The following PITPNB variants were observed in gnomAD, a reference collection of about 807,000 sequenced individuals.
The protein encoded by PITPNB is phosphatidylinositol transfer protein beta isoform.
In PITPNB, 16 loss-of-function variants were observed where a neutral mutation model predicts 45.9. The ratio of observed to expected loss-of-function variants is 0.35; its 90% CI spans 0.24 to 0.53. PITPNB has a LOEUF of 0.53. PITPNB is among the 20% of genes least tolerant of loss of function. The pLI, the probability that PITPNB is intolerant of heterozygous loss-of-function variation, is 0.93. For synonymous variants in PITPNB, 112 were observed against 108.9 expected (o/e 1.03, Z -0.18); for missense variants, 188 against 330.5 (o/e 0.57, Z 3.34).
intron 3 of PITPNB, among the ~76,000 whole-genome samples, chr22:27,902,962 C>A (rs2146413075): frequency 6.6e-6 from 1 of 152,226 alleles, no homozygotes; most frequent in African/African-American, 2.4e-5. Context: ...AAATCCTGGC[C>A]TCAAGCAATC....
At chr22:27,889,683 T>C (rs1935218273) in intron 7 of PITPNB, among the ~76,000 whole-genome samples, 1 of 152,206 alleles carries the variant, frequency 6.6e-6, no homozygotes, top group Non-Finnish European at 1.5e-5. Context: ...TACTTCATTG[T>C]ACTGGGCTTC....
At chr22:27,857,507 T>C (rs914988277) in intron 10 of PITPNB, among the ~76,000 whole-genome samples, 1 of 152,204 alleles carries the variant, frequency 6.6e-6, no homozygotes, top group Non-Finnish European at 1.5e-5. Flanking sequence ...GCCATTCTCC[T>C]GTGATTAAAT....
intron 7 of PITPNB, among the ~76,000 whole-genome samples, chr22:27,886,411 C>T (rs1460619927): frequency 3.9e-5 from 6 of 152,212 alleles, no homozygotes; most frequent in Non-Finnish European, 8.8e-5. Flanking sequence ...TACTCTGTGA[C>T]CCTAGGTCAC....
chr22:27,900,212 T>TAAAAAAAAAAAA (rs71316826), intron 3 of PITPNB, among the ~76,000 whole-genome samples: 1 of 114,598 alleles, frequency 8.7e-6, no homozygotes. Context: ...AAATAAAAAA[T>TAAAAAAAAAAAA]AAAAAAAAAA....
At chr22:27,915,800 G>A (rs1936058800) in intron 1 of PITPNB, among the ~76,000 whole-genome samples, 1 of 152,192 alleles carries the variant, frequency 6.6e-6, no homozygotes. Flanking sequence ...AGGAAGACTA[G>A]AAAGCTATAG....
chr22:27,868,084 C>T (rs1934536136), intron 8 of PITPNB, among the ~76,000 whole-genome samples: 1 of 152,082 alleles, frequency 6.6e-6, no homozygotes, highest in African/African-American at 2.4e-5. Flanking sequence ...ATTACTAAGC[C>T]TCTTTATGCC....
rs1267647998 is a variant in PITPNB at position 27,897,904 on chromosome 22, G to A, written c.198-12C>T. On this transcript the variant is annotated splice_polypyrimidine_tract_variant and intron_variant, in intron 3 of 11. Transcript: ENST00000335272. ...ATGCAGGCACTTTGCTGGGAGAAGA[G>A]AGATACTGGATATATTTAACAGCAC... The A allele has an allele frequency of 6.4e-7, 1 of 1,555,026 alleles. No homozygotes were observed. The highest frequency in any genetic ancestry group is 1.7e-5 in the Admixed American group (1 of 59,916).
chr22:27,870,286 T>C (rs1934616878), intron 8 of PITPNB, among the ~76,000 whole-genome samples: 1 of 152,210 alleles, frequency 6.6e-6, no homozygotes. Context: ...TAGTACCTGG[T>C]ACCAAGGAAA....
chr22:27,885,342 T>A (rs1935093591), intron 7 of PITPNB, among the ~76,000 whole-genome samples: 1 of 147,920 alleles, frequency 6.8e-6, no homozygotes, highest in Non-Finnish European at 1.5e-5. Flanking sequence ...ATTTAAGGAA[T>A]CCTAAACTTT....
chr22:27,880,030 T>C (rs1934923910), intron 7 of PITPNB, among the ~76,000 whole-genome samples: 1 of 152,190 alleles, frequency 6.6e-6, no homozygotes, highest in African/African-American at 2.4e-5. Flanking sequence ...CCTGCTACCA[T>C]TTTGAAGCAC....
intron 7 of PITPNB, among the ~76,000 whole-genome samples, chr22:27,884,780 T>C (rs1015852399): frequency 2.0e-5 from 3 of 152,222 alleles, no homozygotes; most frequent in Non-Finnish European, 4.4e-5. Context: ...CTCAATTTAA[T>C]GCTTTTATAT....
At chr22:27,877,882 C>T (rs1055758586) in intron 7 of PITPNB, among the ~76,000 whole-genome samples, 1 of 152,124 alleles carries the variant, frequency 6.6e-6, no homozygotes, top group Non-Finnish European at 1.5e-5. Flanking sequence ...TAAGTGTAAA[C>T]TAAGGAAAAG....
Position 27,919,200 on chromosome 22 carries a change from A to C in PITPNB, c.-9T>G. 6.2e-7 allele frequency: 1 copy of C among 1,613,092 alleles called. No homozygotes were observed. Among genetic ancestry groups the C allele is most frequent in the Non-Finnish European group, 8.5e-7 (1 of 1,179,426 alleles). On this transcript the variant is annotated 5_prime_UTR_variant, in exon 1 of 12. Transcript: ENST00000335272. ...TCCTTGATCAGCACCATCTTCCCGG[A>C]ACCCCCTCACAGCTGCCGCCGATAC... is the stretch of plus-strand genomic sequence containing the variant.
intron 3 of PITPNB, chr22:27,910,731 T>C (rs1277514622): frequency 2.5e-6 from 1 of 401,214 alleles, no homozygotes; most frequent in East Asian, 3.9e-5. Flanking sequence ...GTGTTACAAA[T>C]ATTTGATGGC....
At chr22:27,877,243 A>C (rs1177742068) in intron 7 of PITPNB, among the ~76,000 whole-genome samples, 3 of 152,240 alleles carry the variant, frequency 2.0e-5, no homozygotes, top group Non-Finnish European at 2.9e-5. Flanking sequence ...GGCTTAGTAA[A>C]ACCATCATTA....
intron 8 of PITPNB, among the ~76,000 whole-genome samples, chr22:27,872,082 T>G (rs1162042950): frequency 6.7e-5 from 1 of 14,952 alleles, no homozygotes; most frequent in African/African-American, 8.1e-4. Flanking sequence ...TTAAGCCTGG[T>G]TTTTTTTTTT....
chr22:27,855,291 A>C (rs1001318655), intron 10 of PITPNB, among the ~76,000 whole-genome samples: 1 of 152,256 alleles, frequency 6.6e-6, no homozygotes, highest in Non-Finnish European at 1.5e-5. Flanking sequence ...AGGCCAGACA[A>C]GCAAGCCATG....
At chr22:27,892,940 C>T (rs1935323389) in intron 7 of PITPNB, among the ~76,000 whole-genome samples, 2 of 152,182 alleles carry the variant, frequency 1.3e-5, no homozygotes, top group Non-Finnish European at 1.5e-5. Flanking sequence ...GAGAAAAGGT[C>T]GGGGACCTTT....
At chr22:27,903,342 G>T (rs1842153596) in intron 3 of PITPNB, among the ~76,000 whole-genome samples, 1 of 151,762 alleles carries the variant, frequency 6.6e-6, no homozygotes, top group African/African-American at 2.4e-5. Context: ...GGTGGTGCAT[G>T]CCTGTAATAC....
Sources: gnomAD v4.1 joint callset for allele counts (sites outside exome capture counted in the v4.1 genomes callset) on GRCh38, gnomAD v4.1.1 for gene constraint, MANE v1.5 for transcripts, NCBI Gene and HGNC (gene_info 2026-07-23, HGNC 2026-07-21) for gene names.